Variants in NKAIN3 observed in about 807,000 individuals in gnomAD.
NKAIN3 encodes the protein sodium/potassium-transporting ATPase subunit beta-1-interacting protein 3.
Under a neutral mutation model 30.2 loss-of-function variants are expected in NKAIN3, and 25 were observed. The ratio of observed to expected loss-of-function variants is 0.83; its 90% CI spans 0.60 to 1.16. NKAIN3 has a LOEUF of 1.16. Among genes scored for constraint, NKAIN3 ranks in the 50% most tolerant of loss-of-function variants. The probability of loss-of-function intolerance (pLI) is 0.00; values close to 1 mark genes in which losing one functional copy is unlikely to be tolerated. For missense variants in NKAIN3, 225 were observed against 254.1 expected (o/e 0.89, Z 0.78); for synonymous variants, 91 against 89.6 (o/e 1.02, Z -0.09).
At chr8:62,288,583 A>G (rs921447462) in intron 1 of NKAIN3, among the ~76,000 whole-genome samples, 6 of 152,088 alleles carry the variant, frequency 3.9e-5, no homozygotes, top group African/African-American at 1.4e-4. Flanking sequence ...ATCCTTTTTT[A>G]TGGCTGCATA....
intron 1 of NKAIN3, among the ~76,000 whole-genome samples, chr8:62,515,264 A>G (rs1372508132): frequency 1.3e-5 from 2 of 152,112 alleles, no homozygotes; most frequent in Non-Finnish European, 2.9e-5. Flanking sequence ...TTTAAAATTT[A>G]TTTTTTAGTT....
chr8:62,851,843 C>T (rs1450469611), intron 4 of NKAIN3, among the ~76,000 whole-genome samples: 1 of 152,158 alleles, frequency 6.6e-6, no homozygotes, highest in Non-Finnish European at 1.5e-5. Flanking sequence ...TGATGTGCTG[C>T]TGGATTCGGT....
intron 1 of NKAIN3, among the ~76,000 whole-genome samples, chr8:62,557,509 T>C (rs1158027871): frequency 6.6e-6 from 1 of 152,182 alleles, no homozygotes; most frequent in Admixed American, 6.5e-5. Flanking sequence ...GTTGTACTAG[T>C]TTACATTCCC....
At chr8:62,989,453 TG>T (rs1237559673), downstream of NKAIN3, among the ~76,000 whole-genome samples, 1 of 152,136 alleles carries the variant, frequency 6.6e-6, no homozygotes, top group Non-Finnish European at 1.5e-5. Context: ...GAAGAGAGCT[TG>T]TGTAGGGTAA....
chr8:62,683,827 G>A (rs1345189343), intron 3 of NKAIN3, among the ~76,000 whole-genome samples: 5 of 152,114 alleles, frequency 3.3e-5, no homozygotes, highest in African/African-American at 1.2e-4. Flanking sequence ...TGAAAGAGAT[G>A]AAGTAAAGCA....
Position 62,855,525 on chromosome 8 carries a change from A to G in NKAIN3, c.472-62928A>G, listed in dbSNP as rs1396228418. 2.7e-6 allele frequency: 4 copies of G among 1,458,246 alleles called. No homozygotes were observed. The African/African-American group carries it at 4.2e-5, about 15-fold the overall frequency. 90.3% of individuals were successfully genotyped at this position (1,458,246 alleles called of 1,614,324 possible). On this transcript the variant is annotated intron_variant, in intron 4 of 6. Coordinates refer to ENST00000623646, the MANE Select transcript of NKAIN3 (RefSeq NM_001304533.3). Reference sequence around the variant, plus strand: ...CCTTCAGGATTGTAATCTGGTGGGTAAACAAGCTCCTTAAACTCAACCACC... The same window carrying G: ...CCTTCAGGATTGTAATCTGGTGGGTGAACAAGCTCCTTAAACTCAACCACC...
At chr8:62,652,146 C>A (rs1195863832) in intron 3 of NKAIN3, among the ~76,000 whole-genome samples, 1 of 152,038 alleles carries the variant, frequency 6.6e-6, no homozygotes, top group Non-Finnish European at 1.5e-5. Flanking sequence ...CTCCCAAGGC[C>A]CCACTTCCAA....
At chr8:62,735,781 A>G (rs2130555594) in intron 3 of NKAIN3, among the ~76,000 whole-genome samples, 1 of 152,256 alleles carries the variant, frequency 6.6e-6, no homozygotes, top group South Asian at 2.1e-4. Context: ...ATTAGAGGGA[A>G]GATCTGGGGC....
intron 4 of NKAIN3, among the ~76,000 whole-genome samples, chr8:62,913,394 G>T (rs1821984048): frequency 6.6e-6 from 1 of 152,148 alleles, no homozygotes; most frequent in Non-Finnish European, 1.5e-5. Flanking sequence ...GGAATTTTCA[G>T]CCCCATTATA....
At chr8:62,626,352 G>A (rs947383620) in intron 3 of NKAIN3, among the ~76,000 whole-genome samples, 2 of 152,234 alleles carry the variant, frequency 1.3e-5, no homozygotes, top group African/African-American at 4.8e-5. Flanking sequence ...GAGTGGGGAG[G>A]CTGAATTCAG....
At chr8:62,906,505 T>C (rs901627051) in intron 4 of NKAIN3, among the ~76,000 whole-genome samples, 2 of 152,180 alleles carry the variant, frequency 1.3e-5, no homozygotes, top group African/African-American at 4.8e-5. Flanking sequence ...AGAACCTGTG[T>C]GATATGGTTT....
intron 5 of NKAIN3, among the ~76,000 whole-genome samples, chr8:62,944,122 A>G (rs1226635691): frequency 6.6e-6 from 1 of 152,108 alleles, no homozygotes; most frequent in Non-Finnish European, 1.5e-5. Flanking sequence ...TTACCCATGT[A>G]ACCAAACGCC....
chr8:62,844,776 A>T, intron 4 of NKAIN3, among the ~76,000 whole-genome samples: 1 of 152,080 alleles, frequency 6.6e-6, no homozygotes, highest in Non-Finnish European at 1.5e-5. Context: ...GTCAAAGGAG[A>T]TTGTTTCATT....
chr8:62,840,542 A>G (rs369527430), intron 4 of NKAIN3, among the ~76,000 whole-genome samples: 16 of 152,182 alleles, frequency 1.1e-4, no homozygotes, highest in African/African-American at 3.9e-4. Flanking sequence ...GACTTCCAGA[A>G]GTCCAGATTG....
In NKAIN3 at chr8:62,355,439, T is replaced by C. The variant is rs148697167; in HGVS notation, c.54+106312T>C. On this transcript the variant is annotated intron_variant, in intron 1 of 6. Transcript: ENST00000623646. ...GTTTTACCTTGGATAGAATGTGGCC[T>C]GGCATTGCTTAGGCTGATGGAGGCA... Among the ~76,000 whole-genome samples the C allele has an allele frequency of 4.1e-3, 629 of 152,302 alleles. 3 individuals carry two copies. Among genetic ancestry groups the C allele is most frequent in the African/African-American group, 0.014 (573 of 41,576 alleles).
chr8:62,772,457 G>C (rs577745944), intron 4 of NKAIN3, among the ~76,000 whole-genome samples: 1 of 152,108 alleles, frequency 6.6e-6, no homozygotes, highest in African/African-American at 2.4e-5. Flanking sequence ...TCACCAAAAA[G>C]TGTATAAGGA....
intron 1 of NKAIN3, among the ~76,000 whole-genome samples, chr8:62,528,679 C>G (rs1301270389): frequency 6.6e-6 from 1 of 152,044 alleles, no homozygotes; most frequent in Admixed American, 6.6e-5. Flanking sequence ...GGTGACCCAT[C>G]TTAGACAGCA....
chr8:62,809,312 G>T (rs569363868), intron 4 of NKAIN3, among the ~76,000 whole-genome samples: 1 of 152,192 alleles, frequency 6.6e-6, no homozygotes, highest in African/African-American at 2.4e-5. Context: ...ACAGGATTAA[G>T]AGATTAAAGT....
In NKAIN3 at chr8:62,966,387, G is replaced by A. The variant is rs1955282843; in HGVS notation, c.*980G>A. The stretch of plus-strand genomic sequence containing the variant: ...AATGATATGGGAAGCAATTATCTGT[G>A]GAAAAAAGGACTGTCTTGAAAACGC... On this transcript the variant is annotated 3_prime_UTR_variant, in exon 7 of 7. Coordinates refer to ENST00000623646, the MANE Select transcript of NKAIN3 (RefSeq NM_001304533.3). 1.0e-6 allele frequency: 1 copy of A among 984,924 alleles called. No homozygotes were observed. The highest frequency in any genetic ancestry group is 1.2e-6 in the Non-Finnish European group (1 of 829,734). 61.0% of individuals were successfully genotyped at this position (984,924 alleles called of 1,614,324 possible). A position where few individuals can be genotyped will look rare whatever the true frequency, so the allele number is the denominator to read the frequency against.
Sources: gnomAD v4.1 joint callset for allele counts (sites outside exome capture counted in the v4.1 genomes callset) on GRCh38, gnomAD v4.1.1 for gene constraint, MANE v1.5 for transcripts, NCBI Gene and HGNC (gene_info 2026-07-23, HGNC 2026-07-21) for gene names.